The following NR5A2 variants were observed in gnomAD, a reference collection of about 807,000 sequenced individuals.
The protein encoded by NR5A2 is nuclear receptor subfamily 5 group A member 2.
NR5A2 carries 26 observed loss-of-function variants against 62.7 expected under a neutral mutation model. The observed-to-expected ratio is 0.41, with a 90% CI of 0.30 to 0.58. The LOEUF is 0.58. Ranked by LOEUF, NR5A2 falls within the 20% of genes least tolerant of loss-of-function variation. The pLI, the probability that NR5A2 is intolerant of heterozygous loss-of-function variation, is 0.22. For synonymous variants in NR5A2, 246 were observed against 241.7 expected (o/e 1.02, Z -0.16); for missense variants, 541 against 669.1 (o/e 0.81, Z 2.11).
Position 200,175,749 on chromosome 1 carries a change from C to T in NR5A2, c.*1539C>T, listed in dbSNP as rs749563312. ...TTATTTTTAACAGTACTTAATTATT[C>T]TATGTCGTGAGACACTAAAATCAAA... On this transcript the variant is annotated 3_prime_UTR_variant, in exon 8 of 8. Coordinates refer to ENST00000367362, the MANE Select transcript of NR5A2 (RefSeq NM_205860.3). 1 of 152,414 alleles carries T rather than the reference C, an allele frequency of 6.6e-6. No individual in the cohort carries two copies. Among genetic ancestry groups the T allele is most frequent in the Non-Finnish European group, 1.5e-5 (1 of 68,008 alleles). 9.4% of individuals were successfully genotyped at this position (152,414 alleles called of 1,614,324 possible).
chr1:200,041,984 A>G (rs914423418), intron 2 of NR5A2, among the ~76,000 whole-genome samples: 6 of 152,192 alleles, frequency 3.9e-5, no homozygotes, highest in Non-Finnish European at 7.3e-5. Flanking sequence ...TTCCTAAAAC[A>G]TGCCTCAAGA....
intron 1 of NR5A2, among the ~76,000 whole-genome samples, chr1:200,032,984 T>C (rs1661601498): frequency 6.6e-6 from 1 of 152,238 alleles, no homozygotes; most frequent in Admixed American, 6.5e-5. Context: ...GGCTTTTTAA[T>C]CTTCATTTCC....
intron 5 of NR5A2, among the ~76,000 whole-genome samples, chr1:200,084,259 A>G (rs1459397508): frequency 6.6e-6 from 1 of 152,140 alleles, no homozygotes; most frequent in African/African-American, 2.4e-5. Context: ...AAGCTAGCCT[A>G]ATCTTAGCAA....
At chr1:200,171,340 A>G (rs1168152586) in intron 7 of NR5A2, among the ~76,000 whole-genome samples, 1 of 152,244 alleles carries the variant, frequency 6.6e-6, no homozygotes, top group Admixed American at 6.5e-5. Context: ...AGCAAAAAAT[A>G]GTATATTTAG....
At chr1:200,078,010 G>GT (rs1216370762) in intron 5 of NR5A2, among the ~76,000 whole-genome samples, 1 of 152,160 alleles carries the variant, frequency 6.6e-6, no homozygotes, top group Non-Finnish European at 1.5e-5. Flanking sequence ...TTGAAGCCTA[G>GT]TGATAGTCCC....
At chr1:200,113,624 C>A (rs1194754068) in intron 6 of NR5A2, among the ~76,000 whole-genome samples, 1 of 152,128 alleles carries the variant, frequency 6.6e-6, no homozygotes, top group Non-Finnish European at 1.5e-5. Flanking sequence ...ATGTTGGGCA[C>A]ATGATACATA....
intron 5 of NR5A2, among the ~76,000 whole-genome samples, chr1:200,063,449 C>A (rs566102580): frequency 2.6e-5 from 4 of 152,282 alleles, no homozygotes; most frequent in Non-Finnish European, 5.9e-5. Context: ...TGAGCCACCC[C>A]GCCCGGCCTA....
At chr1:200,124,287 C>T (rs987646789) in intron 7 of NR5A2, among the ~76,000 whole-genome samples, 4 of 152,254 alleles carry the variant, frequency 2.6e-5, no homozygotes, top group South Asian at 2.1e-4. Context: ...TGATTCAAAG[C>T]GGGTCCCAAT....
chr1:200,052,925 C>T (rs1040770703), intron 5 of NR5A2, among the ~76,000 whole-genome samples: 3 of 152,194 alleles, frequency 2.0e-5, no homozygotes, highest in Non-Finnish European at 2.9e-5. Context: ...TAGGCATGAG[C>T]CACCGCACCC....
rs1343655767 is a variant in NR5A2 at position 200,039,599 on chromosome 1, C to CA, written c.65-58dup. ...GAGGCGAGAGGGTTGGGTTAGCAGGCATCCCGGTCGCCCCTTCCTTCTTTT... is the reference window on the plus strand; with the variant it reads ...GAGGCGAGAGGGTTGGGTTAGCAGGCAATCCCGGTCGCCCCTTCCTTCTTTT... On this transcript the variant is annotated intron_variant, in intron 1 of 7. Coordinates refer to ENST00000367362, the MANE Select transcript of NR5A2 (RefSeq NM_205860.3). This position sits in a 1 kb window ranked among gnomAD's most constrained non-coding sequence, Gnocchi z 5.1. 1 of 1,604,734 alleles carries CA rather than the reference C, an allele frequency of 6.2e-7. No homozygotes were observed. The highest frequency in any genetic ancestry group is 1.4e-5 in the African/African-American group (1 of 73,606).
At position 200,174,204 on chromosome 1, in the gene NR5A2, A is replaced by G; in HGVS notation, c.1620A>G (p.Arg540=). Residue 540 remains arginine, a synonymous_variant, in exon 8 of 8, where the codon AGA becomes AGG. Coordinates refer to ENST00000367362, the MANE Select transcript of NR5A2 (RefSeq NM_205860.3). The stretch of plus-strand genomic sequence containing the variant: ...TCATTGAAATGTTGCATGCCAAAAG[A>G]GCATAAGTTACAACCCCTAGGAGCT... ...NLLIEMLHAK[R]A 1 of 1,593,878 alleles carries G rather than the reference A, an allele frequency of 6.3e-7. No homozygotes were observed. Among genetic ancestry groups the G allele is most frequent in the Non-Finnish European group, 8.6e-7 (1 of 1,168,536 alleles).
At chr1:200,038,807 G>A in intron 1 of NR5A2, 2 of 1,282,898 alleles carry the variant, frequency 1.6e-6, no homozygotes, top group Non-Finnish European at 2.0e-6. Context: ...CCCCCGCCCC[G>A]GGCCAGGGTG....
intron 2 of NR5A2, among the ~76,000 whole-genome samples, chr1:200,042,562 T>C (rs1184976895): frequency 6.6e-6 from 1 of 152,122 alleles, no homozygotes; most frequent in African/African-American, 2.4e-5. Flanking sequence ...CAAACGCCAC[T>C]GATTAACTTA....
At chr1:200,108,985 C>T (rs1665817941) in intron 5 of NR5A2, among the ~76,000 whole-genome samples, 1 of 152,214 alleles carries the variant, frequency 6.6e-6, no homozygotes, top group African/African-American at 2.4e-5. Flanking sequence ...ATTCTGGAGA[C>T]TTTCCTTCAA....
At position 200,031,887 on chromosome 1, in the gene NR5A2, C is replaced by G. The variant is rs376186361; in HGVS notation, c.64+3976C>G. ...GAGCCACCACACCTGGCATCTTTAACACCTCTTCTAACAAACCAAGAGAGA... is the reference window on the plus strand; with the variant it reads ...GAGCCACCACACCTGGCATCTTTAAGACCTCTTCTAACAAACCAAGAGAGA... On this transcript the variant is annotated intron_variant, in intron 1 of 7. Transcript: ENST00000367362. 8.5e-5 allele frequency among the ~76,000 whole-genome samples: 13 copies of G among 152,270 alleles called. No homozygotes were observed. In the East Asian group the frequency reaches 2.3e-3, roughly 27 times the overall value.
intron 5 of NR5A2, among the ~76,000 whole-genome samples, chr1:200,096,081 A>G (rs565738310): frequency 8.6e-5 from 13 of 151,732 alleles, no homozygotes; most frequent in Non-Finnish European, 1.9e-4. Flanking sequence ...CCATACCACA[A>G]TGCTGCTTTA....
In NR5A2 at chr1:200,095,381, A is replaced by G. The variant is rs113731342; in HGVS notation, c.1111-15821A>G. 5.9e-5 allele frequency among the ~76,000 whole-genome samples: 9 copies of G among 152,298 alleles called. 1 individual carries two copies. Among genetic ancestry groups the G allele is most frequent in the African/African-American group, 2.2e-4 (9 of 41,556 alleles). ...TGAGAAATGCATAGGCACTTCAGATAAAGTGGCATGAGACTTCAGGGAACA... is the reference window on the plus strand; with the variant it reads ...TGAGAAATGCATAGGCACTTCAGATGAAGTGGCATGAGACTTCAGGGAACA... On this transcript the variant is annotated intron_variant, in intron 5 of 7. Coordinates refer to ENST00000367362, the MANE Select transcript of NR5A2 (RefSeq NM_205860.3).
intron 5 of NR5A2, among the ~76,000 whole-genome samples, chr1:200,102,952 TA>T (rs973671234): frequency 6.6e-6 from 1 of 152,114 alleles, no homozygotes; most frequent in African/African-American, 2.4e-5. Context: ...GCCTTGTTGC[TA>T]GGACCATGAA....
At chr1:200,165,438 G>A (rs1435465285) in intron 7 of NR5A2, among the ~76,000 whole-genome samples, 3 of 152,162 alleles carry the variant, frequency 2.0e-5, no homozygotes, top group Non-Finnish European at 4.4e-5. Flanking sequence ...GTAATGACAT[G>A]TATCCACCAT....
Sources: allele counts gnomAD v4.1 joint callset (sites outside exome capture counted in the v4.1 genomes callset), GRCh38; gene constraint gnomAD v4.1.1; non-coding constraint Gnocchi (gnomAD v3.1); transcripts MANE v1.5; gene names NCBI Gene and HGNC (gene_info 2026-07-23, HGNC 2026-07-21).